Variants in ABCA4 observed in about 807,000 individuals in gnomAD.
ABCA4 encodes retinal-specific phospholipid-transporting ATPase ABCA4.
A neutral mutation model predicts 263.7 loss-of-function variants in ABCA4; 196 were observed. The ratio of observed to expected loss-of-function variants is 0.74; its 90% CI spans 0.66 to 0.84. The LOEUF is 0.84. Among genes scored for constraint, ABCA4 ranks in the 40% least tolerant of loss-of-function variants. ABCA4 has a pLI of 0.00. For synonymous variants in ABCA4, 1,133 were observed against 1,094.2 expected (o/e 1.04, Z -0.70); for missense variants, 2,792 against 2,855.1 (o/e 0.98, Z 0.50).
intron 49 of ABCA4, among the ~76,000 whole-genome samples, chr1:93,994,507 T>C (rs1434585985): frequency 6.6e-6 from 1 of 152,244 alleles, no homozygotes; most frequent in Non-Finnish European, 1.5e-5. Flanking sequence ...TTGAGAGAAA[T>C]TGCCTTTTTC....
At chr1:94,077,448 G>A (rs1252065708) in intron 11 of ABCA4, among the ~76,000 whole-genome samples, 1 of 152,212 alleles carries the variant, frequency 6.6e-6, no homozygotes, top group East Asian at 1.9e-4. Context: ...GGGGCTACAG[G>A]AGGAGGTGCC....
chr1:94,054,135 C>T lies in ABCA4; in HGVS notation c.2587+976G>A, dbSNP rs144547064. Among the ~76,000 whole-genome samples the T allele has an allele frequency of 2.4e-3, 371 of 152,352 alleles. 1 individual carries two copies. The highest frequency in any genetic ancestry group is 8.4e-3 in the African/African-American group (349 of 41,576). The stretch of plus-strand genomic sequence containing the variant: ...TTTGATTTTCTACCAAGCAAATACA[C>T]GACCGTGCAAACAGCCAATTTTCAG... On this transcript the variant is annotated intron_variant, in intron 16 of 49. Coordinates refer to ENST00000370225, the MANE Select transcript of ABCA4 (RefSeq NM_000350.3).
chr1:94,093,148 G>C (rs369171415), intron 6 of ABCA4, among the ~76,000 whole-genome samples: 7 of 152,240 alleles, frequency 4.6e-5, no homozygotes, highest in East Asian at 1.9e-4. Context: ...GATGCTGAAG[G>C]GGGCAGGGAG....
In ABCA4 at chr1:94,060,576, G is replaced by A. The variant is rs751607630; in HGVS notation, c.2121C>T (p.Ile707=). The A allele has an allele frequency of 2.5e-6, 4 of 1,614,154 alleles. No homozygotes were observed. The highest frequency in any genetic ancestry group is 2.5e-6 in the Non-Finnish European group (3 of 1,180,022). The change falls in exon 14 of 50, where the codon ATC becomes ATT. Residue 707 remains isoleucine (I), a synonymous_variant. Transcript: ENST00000370225. ...WCTWFLDSFS[I]MSMSIFLLTI... is the part of the protein sequence containing the mutation. ...TCAGGAGGAAGATGCTCATCGACATGATGGAGAAGCTGTCCAGGAACCAGG... is the reference window on the plus strand; with the variant it reads ...TCAGGAGGAAGATGCTCATCGACATAATGGAGAAGCTGTCCAGGAACCAGG...
In ABCA4 at chr1:94,032,038, C is replaced by A; in HGVS notation, c.3868G>T (p.Ala1290Ser). 3 of 1,610,872 alleles carry A rather than the reference C, an allele frequency of 1.9e-6. No individual in the cohort carries two copies. Residue 1290 changes from alanine to serine, a missense_variant, in exon 27 of 50, where the codon GCT becomes TCT. By Grantham distance (99) the Ala-to-Ser change is moderately conservative. Transcript: ENST00000370225. ...TTGACGTTTTCTCTTTTCTGCTGAGCGCCACCTGTTTTGAGAGATTGAATT... is the reference window on the plus strand; with the variant it reads ...TTGACGTTTTCTCTTTTCTGCTGAGAGCCACCTGTTTTGAGAGATTGAATT... ...SDSGPLFAGG[A>S]QQKRENVNPR... is the part of the protein sequence containing the mutation.
At chr1:94,056,883 G>A (rs1660998857) in intron 14 of ABCA4, 61 bp from the exon 15 acceptor site, 1 of 1,336,034 alleles carries the variant, frequency 7.5e-7, no homozygotes. Flanking sequence ...TTCTCATTCT[G>A]CCCTAAAGGG....
chr1:94,035,027 T>C (rs1660304088), intron 26 of ABCA4, among the ~76,000 whole-genome samples: 2 of 152,202 alleles, frequency 1.3e-5, no homozygotes, highest in Non-Finnish European at 2.9e-5. Context: ...TTGCAAATTA[T>C]GAAGCTCAGG....
intron 5 of ABCA4, among the ~76,000 whole-genome samples, 183 bp downstream of exon 5, chr1:94,102,832 T>C (rs1170392625): frequency 2.6e-5 from 4 of 152,218 alleles, no homozygotes; most frequent in Admixed American, 6.5e-5. Context: ...TCGAATCCTA[T>C]GTTGAAAATG....
At chr1:94,011,157 C>T (rs1291155697) in intron 39 of ABCA4, 105 bp downstream of exon 39, 12 of 1,597,852 alleles carry the variant, frequency 7.5e-6, no homozygotes, top group African/African-American at 4.0e-5. Flanking sequence ...ACAAGGTCCC[C>T]TCCTAGCACC....
chr1:94,044,344 C>G (rs994493354), intron 20 of ABCA4, among the ~76,000 whole-genome samples: 1 of 152,192 alleles, frequency 6.6e-6, no homozygotes, highest in South Asian at 2.1e-4. Context: ...GCTCGGGGAT[C>G]GATCAGCTGC....
intron 5 of ABCA4, among the ~76,000 whole-genome samples, chr1:94,099,458 G>A (rs145164262): frequency 1.3e-5 from 2 of 152,216 alleles, no homozygotes; most frequent in Non-Finnish European, 2.9e-5. Context: ...AAGCCACTAA[G>A]TTTGTGGTAA....
intron 1 of ABCA4, among the ~76,000 whole-genome samples, chr1:94,116,994 CT>C (rs1242375188): frequency 8.9e-6 from 1 of 112,992 alleles, no homozygotes; most frequent in Admixed American, 9.2e-5. Flanking sequence ...TTCTTTCTTT[CT>C]TTCTTTCTTT....
chr1:94,044,499 C>T (rs1378125048), intron 20 of ABCA4, 114 bp downstream of exon 20: 2 of 1,507,458 alleles, frequency 1.3e-6, no homozygotes, highest in Admixed American at 3.4e-5. Context: ...AAATAAGAGT[C>T]TGTATCTCTG....
rs1170519239 is a variant in ABCA4 at position 94,010,576 on chromosome 1, G to C, written c.5714+224C>G. The C allele has an allele frequency of 5.9e-6, 4 of 679,748 alleles. No individual in the cohort carries two copies. In the African/African-American group the frequency reaches 7.1e-5, roughly 12 times the overall value. 42.1% of individuals were successfully genotyped at this position (679,748 alleles called of 1,614,324 possible). On this transcript the variant is annotated intron_variant, in intron 40 of 49. Coordinates refer to ENST00000370225, the MANE Select transcript of ABCA4 (RefSeq NM_000350.3). The stretch of plus-strand genomic sequence containing the variant: ...TAAATATCAGCAATTGAAATTAATA[G>C]CACTGCATTTTAAATATTTTAAAGT...
chr1:94,078,313 C>A (rs1303444222), intron 10 of ABCA4, among the ~76,000 whole-genome samples: 7 of 152,028 alleles, frequency 4.6e-5, no homozygotes. Flanking sequence ...AATTTGAGGC[C>A]CTTGAGTGAA....
At chr1:94,014,190 GAA>G (rs1162735675) in intron 38 of ABCA4, among the ~76,000 whole-genome samples, 2 of 147,998 alleles carry the variant, frequency 1.4e-5, no homozygotes, top group African/African-American at 5.1e-5. Flanking sequence ...AGGAAAGAAG[GAA>G]GAAAGAAGGA....
chr1:94,045,178 G>A lies in ABCA4; in HGVS notation c.2919-434C>T, dbSNP rs566539572. 4.6e-5 allele frequency among the ~76,000 whole-genome samples: 7 copies of A among 152,330 alleles called. No homozygotes were observed. In the East Asian group the frequency reaches 5.8e-4, roughly 13 times the overall value. On this transcript the variant is annotated intron_variant, in intron 19 of 49. Coordinates refer to ENST00000370225, the MANE Select transcript of ABCA4 (RefSeq NM_000350.3). The stretch of plus-strand genomic sequence containing the variant: ...GCCAGGTGTCATCATCATAAAGCCC[G>A]GGTAAGGTCTTGATGAAGGCCAGAA...
chr1:94,024,399 A>G (rs1222593624), intron 31 of ABCA4, among the ~76,000 whole-genome samples: 2 of 152,230 alleles, frequency 1.3e-5, no homozygotes, highest in Non-Finnish European at 2.9e-5. Context: ...GTTCATTGGC[A>G]TCTCAAAGGG....
Position 94,077,858 on chromosome 1 carries a change from G to A in ABCA4, c.1386C>T (p.Asp462=), listed in dbSNP as rs146545687. ...CTTCACCAAGCTGCCTATTCAAAAA[G>A]TCTTTTACTGTTGGGTTCCCCAGGG... ...RDTLGNPTVK[D]FLNRQLGEEG... The change falls in exon 11 of 50, where the codon GAC becomes GAT. Residue 462 remains aspartate (D), a synonymous_variant. Transcript: ENST00000370225. 5.6e-6 allele frequency: 9 copies of A among 1,614,094 alleles called. No individual in the cohort carries two copies. Among genetic ancestry groups the A allele is most frequent in the Non-Finnish European group, 7.6e-6 (9 of 1,180,034 alleles).
Sources: gnomAD v4.1 joint callset for allele counts (sites outside exome capture counted in the v4.1 genomes callset) on GRCh38, gnomAD v4.1.1 for gene constraint, MANE v1.5 for transcripts, NCBI Gene and HGNC (gene_info 2026-07-23, HGNC 2026-07-21) for gene names.